LIMCH1: variants seen among roughly 807,000 people sequenced by gnomAD.
LIMCH1 encodes LIM and calponin homology domains-containing protein 1.
A neutral mutation model predicts 176.5 loss-of-function variants in LIMCH1; 113 were observed. The ratio of observed to expected loss-of-function variants is 0.64; its 90% CI spans 0.55 to 0.75. The LOEUF (loss-of-function observed/expected upper bound fraction) is 0.75. Among genes scored for constraint, LIMCH1 ranks in the 30% least tolerant of loss-of-function variants. The probability of loss-of-function intolerance (pLI) is 0.00; values close to 1 mark genes in which losing one functional copy is unlikely to be tolerated. For missense variants in LIMCH1, 1,674 were observed against 1,814.9 expected, an observed-to-expected ratio of 0.92 and a Z score of 1.41; for synonymous variants, 619 against 645.9, an observed-to-expected ratio of 0.96 and a Z score of 0.63.
intron 1 of LIMCH1, among the ~76,000 whole-genome samples, chr4:41,445,226 G>A (rs1183272571): frequency 6.6e-6 from 1 of 152,018 alleles, no homozygotes; most frequent in Non-Finnish European, 1.5e-5. Flanking sequence ...GGATGGTCTT[G>A]ATCTCCTGAC....
rs1339009362 is a variant in LIMCH1 at position 41,698,026 on chromosome 4, C to T, written c.*841C>T. ...AAAGAGTCAATGTCAGACATCAGGCCTCTGTTGCCTGCTTCTCTCGAGGCA... is the reference window on the plus strand; with the variant it reads ...AAAGAGTCAATGTCAGACATCAGGCTTCTGTTGCCTGCTTCTCTCGAGGCA... On this transcript the variant is annotated 3_prime_UTR_variant, in exon 32 of 32. Transcript: ENST00000503057. 6.6e-6 allele frequency: 1 copy of T among 152,032 alleles called. No individual in the cohort carries two copies. Among genetic ancestry groups the T allele is most frequent in the Admixed American group, 6.5e-5 (1 of 15,268 alleles). 9.4% of individuals were successfully genotyped at this position (152,032 alleles called of 1,614,324 possible).
chr4:41,673,349 C>T (rs2095115163), intron 22 of LIMCH1, among the ~76,000 whole-genome samples: 1 of 152,094 alleles, frequency 6.6e-6, no homozygotes, highest in Admixed American at 6.6e-5. Context: ...GTTGTTCATG[C>T]CCCCTGGGTA....
At chr4:41,643,128 C>G (rs1249201621) in intron 14 of LIMCH1, among the ~76,000 whole-genome samples, 5 of 152,180 alleles carry the variant, frequency 3.3e-5, no homozygotes, top group East Asian at 1.9e-4. Flanking sequence ...CACATTTATA[C>G]ACATTCCTTT....
chr4:41,405,296 A>G (rs1194773698), intron 1 of LIMCH1, among the ~76,000 whole-genome samples: 1 of 152,216 alleles, frequency 6.6e-6, no homozygotes, highest in African/African-American at 2.4e-5. Context: ...ATACACAGGT[A>G]GAATTTTTCC....
At chr4:41,624,508 G>A (rs950098639) in intron 7 of LIMCH1, among the ~76,000 whole-genome samples, 1 of 149,766 alleles carries the variant, frequency 6.7e-6, no homozygotes, top group Non-Finnish European at 1.5e-5. Flanking sequence ...GACTCTGGAT[G>A]TATTAGGGCG....
At chr4:41,461,710 T>C (rs1472171185) in intron 1 of LIMCH1, among the ~76,000 whole-genome samples, 1 of 152,252 alleles carries the variant, frequency 6.6e-6, no homozygotes, top group East Asian at 1.9e-4. Context: ...TCCTGATGGC[T>C]AGAAGGCCTT....
chr4:41,516,085 C>T (rs2075555230), intron 2 of LIMCH1, among the ~76,000 whole-genome samples: 2 of 152,104 alleles, frequency 1.3e-5, no homozygotes, highest in Admixed American at 6.5e-5. Flanking sequence ...AAGTTCTTTT[C>T]GTGTGTTGGC....
At chr4:41,469,224 T>C (rs2066592943) in intron 1 of LIMCH1, among the ~76,000 whole-genome samples, 2 of 152,194 alleles carry the variant, frequency 1.3e-5, no homozygotes, top group African/African-American at 4.8e-5. Context: ...CCAAGCACAT[T>C]TGAGTGACTG....
At chr4:41,687,684 A>T (rs181050103) in intron 28 of LIMCH1, among the ~76,000 whole-genome samples, 156 bp from the exon 29 acceptor site, 255 of 141,184 alleles carry the variant, frequency 1.8e-3, no homozygotes, top group Admixed American at 3.5e-3. Flanking sequence ...TTTGTTCATT[A>T]AAAAAAAAAA....
chr4:41,485,008 T>A (rs1433504089), intron 1 of LIMCH1, among the ~76,000 whole-genome samples: 2 of 152,226 alleles, frequency 1.3e-5, no homozygotes, highest in Non-Finnish European at 2.9e-5. Flanking sequence ...GGCAATTACA[T>A]AATAACAATG....
chr4:41,487,469 G>T (rs898980571), intron 1 of LIMCH1, among the ~76,000 whole-genome samples: 1 of 151,996 alleles, frequency 6.6e-6, no homozygotes, highest in African/African-American at 2.4e-5. Context: ...CCCAGAATTG[G>T]GTCTAAGAAA....
intron 1 of LIMCH1, among the ~76,000 whole-genome samples, chr4:41,485,834 G>T (rs1354987291): frequency 6.6e-6 from 1 of 152,114 alleles, no homozygotes; most frequent in African/African-American, 2.4e-5. Context: ...GGGAGGCAAG[G>T]GTAGAAGCAG....
intron 1 of LIMCH1, among the ~76,000 whole-genome samples, chr4:41,424,405 G>A (rs895919276): frequency 6.6e-6 from 1 of 152,146 alleles, no homozygotes; most frequent in African/African-American, 2.4e-5. Flanking sequence ...ATTCTTATTG[G>A]CTGCTTAAAG....
At chr4:41,527,270 G>C (rs1029367462) in intron 3 of LIMCH1, among the ~76,000 whole-genome samples, 12 of 152,196 alleles carry the variant, frequency 7.9e-5, no homozygotes, top group Non-Finnish European at 1.6e-4. Flanking sequence ...ATTTTGGAAA[G>C]TAAGATTTTG....
intron 26 of LIMCH1, among the ~76,000 whole-genome samples, chr4:41,683,980 CA>C (rs1718459582): frequency 6.6e-6 from 1 of 152,164 alleles, no homozygotes; most frequent in African/African-American, 2.4e-5. Context: ...CTGTTTTCAC[CA>C]GAAAAACTTT....
chr4:41,435,063 AGGATCCTGAGAT>A (rs1040273452), intron 1 of LIMCH1, among the ~76,000 whole-genome samples: 2 of 152,174 alleles, frequency 1.3e-5, no homozygotes, highest in Non-Finnish European at 2.9e-5. Flanking sequence ...GGTTAAATCA[AGGATCCTGAGAT>A]GGGGAGATTA....
intron 1 of LIMCH1, chr4:41,389,633 C>T (rs1233732932): frequency 6.6e-6 from 1 of 152,258 alleles, no homozygotes; most frequent in Non-Finnish European, 1.5e-5. Context: ...ATTTGACAAC[C>T]AACCAACCAA....
At chr4:41,447,671 C>T (rs140138330) in intron 1 of LIMCH1, among the ~76,000 whole-genome samples, 32 of 152,248 alleles carry the variant, frequency 2.1e-4, no homozygotes, top group Admixed American at 1.9e-3. Context: ...ACCATGGAGA[C>T]GAGAATATCG....
rs139718063 is a variant in LIMCH1, at chr4:41,483,239, G to T, written c.97-11297G>T. On this transcript the variant is annotated intron_variant, in intron 1 of 26. Transcript: ENST00000313860. ...AGGAGAGAATGTATTTCTGCCTTTT[G>T]AGCTGGCAGGATAAAATGAAAAGAT... 5.8e-4 allele frequency among the ~76,000 whole-genome samples: 88 copies of T among 152,240 alleles called. 1 individual carries two copies. The highest frequency in any genetic ancestry group is 2.0e-3 in the African/African-American group (82 of 41,530).
Sources: allele counts gnomAD v4.1 joint callset (sites outside exome capture counted in the v4.1 genomes callset), GRCh38; gene constraint gnomAD v4.1.1; transcripts MANE v1.5; gene names NCBI Gene and HGNC (gene_info 2026-07-23, HGNC 2026-07-21).